The following ARHGAP29 variants were observed in gnomAD, a reference collection of about 807,000 sequenced individuals.
ARHGAP29 encodes the protein rho GTPase-activating protein 29.
A neutral mutation model predicts 122.6 loss-of-function variants in ARHGAP29; 43 were observed. That is an observed-to-expected ratio of 0.35 (90% CI 0.27 to 0.45). The LOEUF is 0.45. ARHGAP29 is among the 20% of genes least tolerant of loss of function. The pLI, the probability that ARHGAP29 is intolerant of heterozygous loss-of-function variation, is 1.00. For missense variants in ARHGAP29, 1,303 were observed against 1,477.2 expected (o/e 0.88, Z 1.93); for synonymous variants, 506 against 497.1 (o/e 1.02, Z -0.24).
At chr1:94,286,377 A>G in the ARHGAP29 span, among the ~76,000 whole-genome samples, 1 of 152,202 alleles carries the variant, frequency 6.6e-6, no homozygotes, top group Non-Finnish European at 1.5e-5. Flanking sequence ...GAAAATAAGA[A>G]AAAATTTAGT....
Position 94,173,597 on chromosome 1 carries a change from C to T in ARHGAP29, c.*272G>A. On this transcript the variant is annotated 3_prime_UTR_variant, in exon 23 of 23. Coordinates refer to ENST00000260526, the MANE Select transcript of ARHGAP29 (RefSeq NM_004815.4). ...TGGACCATTTGGTGGGGAAAGTCAA[C>T]TGAACTTTAAAAAATACGAATCCAC... 3.1e-6 allele frequency: 1 copy of T among 327,106 alleles called. No homozygotes were observed. Among genetic ancestry groups the T allele is most frequent in the Non-Finnish European group, 5.6e-6 (1 of 178,546 alleles). The allele number at this position is 327,106 out of a possible 1,614,324, so 20.3% of individuals were successfully genotyped here.
chr1:94,302,850 A>G, the ARHGAP29 span: 2 of 233,236 alleles, frequency 8.6e-6, no homozygotes, highest in East Asian at 1.6e-4. Context: ...GGCCACACTG[A>G]GCACCAGGCT....
At chr1:94,292,258 T>C in the ARHGAP29 span, among the ~76,000 whole-genome samples, 278 of 152,350 alleles carry the variant, frequency 1.8e-3, no homozygotes, top group African/African-American at 6.1e-3. Flanking sequence ...TACTGAAGCC[T>C]GTGTATGCTT....
the ARHGAP29 span, among the ~76,000 whole-genome samples, chr1:94,299,082 A>C: frequency 1.3e-5 from 2 of 149,264 alleles, no homozygotes; most frequent in African/African-American, 5.2e-5. Context: ...AGTACTGCAC[A>C]TTTCATCACA....
chr1:94,222,111 G>A (rs957200404), intron 2 of ARHGAP29, among the ~76,000 whole-genome samples: 3 of 152,016 alleles, frequency 2.0e-5, no homozygotes, highest in Admixed American at 6.6e-5. Context: ...AAGTAGTATT[G>A]GATTATAACC....
chr1:94,305,246 G>A, the ARHGAP29 span, among the ~76,000 whole-genome samples: 8 of 152,198 alleles, frequency 5.3e-5, no homozygotes, highest in Non-Finnish European at 8.8e-5. Flanking sequence ...TCAAAGCCAC[G>A]GTGCTGGAAA....
intron 5 of ARHGAP29, among the ~76,000 whole-genome samples, chr1:94,207,261 G>A (rs768384495): frequency 1.3e-4 from 19 of 151,782 alleles, no homozygotes; most frequent in Non-Finnish European, 2.2e-4. Context: ...CGCCCACTTC[G>A]CCCTCCCAAA....
At chr1:94,284,427 T>G in the ARHGAP29 span, among the ~76,000 whole-genome samples, 8 of 152,224 alleles carry the variant, frequency 5.3e-5, no homozygotes, top group African/African-American at 1.2e-4. Context: ...TCACATAGTG[T>G]AGTAGATTAT....
rs761704264 is a variant in ARHGAP29, at chr1:94,220,370, A to G, written c.228T>C (p.His76=). The part of the protein sequence containing the change: ...IFSDCFKEVI[H]IRLEELLRVL... ...CACGGAGCAGTTCCTCTAGACGTAT[A>G]TGAATAACTTCTTTAAAACAGTCTT... The change falls in exon 3 of 23, where the codon CAT becomes CAC. Residue 76 remains histidine (H), a synonymous_variant. Transcript: ENST00000260526. 1.1e-5 allele frequency: 18 copies of G among 1,604,218 alleles called. No individual in the cohort carries two copies. In the Admixed American group the frequency reaches 3.1e-4, roughly 27 times the overall value.
upstream of ARHGAP29, among the ~76,000 whole-genome samples, chr1:94,275,694 T>C (rs191674175): frequency 1.4e-4 from 21 of 152,148 alleles, no homozygotes; most frequent in Admixed American, 1.4e-3. Context: ...AGTTGGCAGA[T>C]GTTATAAGCA....
At chr1:94,179,264 T>C (rs1325641911) in intron 20 of ARHGAP29, among the ~76,000 whole-genome samples, 1 of 152,148 alleles carries the variant, frequency 6.6e-6, no homozygotes, top group Non-Finnish European at 1.5e-5. Context: ...ATTTTAAAAG[T>C]AACACTGCAA....
At chr1:94,275,753 A>G (rs1655163129), upstream of ARHGAP29, among the ~76,000 whole-genome samples, 1 of 152,170 alleles carries the variant, frequency 6.6e-6, no homozygotes, top group Non-Finnish European at 1.5e-5. Context: ...CGAACATATA[A>G]GAGAGTGTGT....
chr1:94,260,231 A>T (rs1341748733), intron 1 of ARHGAP29, among the ~76,000 whole-genome samples: 7 of 152,138 alleles, frequency 4.6e-5, no homozygotes, highest in African/African-American at 1.4e-4. Context: ...TGTCTATCTG[A>T]GGGGCTTCTG....
chr1:94,202,330 T>G (rs2101505311), intron 11 of ARHGAP29: 1 of 617,624 alleles, frequency 1.6e-6, no homozygotes, highest in South Asian at 2.1e-5. Flanking sequence ...AGCATAGTGG[T>G]TCTCAAAATG....
chr1:94,273,178 C>T (rs1655056633), intron 1 of ARHGAP29, among the ~76,000 whole-genome samples: 1 of 152,142 alleles, frequency 6.6e-6, no homozygotes, highest in Non-Finnish European at 1.5e-5. Flanking sequence ...TGATCAATGC[C>T]AAGACTTTGG....
intron 5 of ARHGAP29, among the ~76,000 whole-genome samples, chr1:94,208,346 TA>T (rs1179289698): frequency 6.6e-6 from 1 of 152,244 alleles, no homozygotes; most frequent in Non-Finnish European, 1.5e-5. Flanking sequence ...TGCAGTTTTT[TA>T]ATGTATTTTG....
intron 2 of ARHGAP29, among the ~76,000 whole-genome samples, chr1:94,229,943 A>G (rs1364367908): frequency 6.6e-6 from 1 of 151,680 alleles, no homozygotes; most frequent in Non-Finnish European, 1.5e-5. Context: ...GAAAATAACT[A>G]AAAACAAATA....
chr1:94,178,034 C>T lies in ARHGAP29; in HGVS notation c.2614G>A (p.Ala872Thr). 6.2e-7 allele frequency: 1 copy of T among 1,614,140 alleles called. No homozygotes were observed. The highest frequency in any genetic ancestry group is 8.5e-7 in the Non-Finnish European group (1 of 1,180,014). Reference sequence around the variant, plus strand: ...GTAATGAGAAACTCTACCAAGCGTGCTTGATTTGAATACTCTGCAAGGGAG... The same window carrying T: ...GTAATGAGAAACTCTACCAAGCGTGTTTGATTTGAATACTCTGCAAGGGAG... ...ISSLAEYSNQ[A>T]RLVEFLITYS... The change falls in exon 21 of 23, where the codon GCA (alanine) becomes ACA (threonine). Residue 872 changes from alanine to threonine, a missense_variant. Coordinates refer to ENST00000260526, the MANE Select transcript of ARHGAP29 (RefSeq NM_004815.4).
At chr1:94,272,481 C>G (rs1655030416) in intron 1 of ARHGAP29, among the ~76,000 whole-genome samples, 1 of 152,174 alleles carries the variant, frequency 6.6e-6, no homozygotes, top group Non-Finnish European at 1.5e-5. Context: ...AGGCAGCCAA[C>G]AGCCTCCAGC....
Sources: allele counts gnomAD v4.1 joint callset (sites outside exome capture counted in the v4.1 genomes callset), GRCh38; gene constraint gnomAD v4.1.1; transcripts MANE v1.5; gene names NCBI Gene and HGNC (gene_info 2026-07-23, HGNC 2026-07-21).